NSUN6: variants seen among roughly 807,000 people sequenced by gnomAD.
The protein encoded by NSUN6 is tRNA (cytosine(72)-C(5))-methyltransferase NSUN6.
A neutral mutation model predicts 58.0 loss-of-function variants in NSUN6; 64 were observed. The observed-to-expected ratio is 1.10, with a 90% confidence interval of 0.90 to 1.36. The LOEUF (loss-of-function observed/expected upper bound fraction) is 1.36. NSUN6 is among the 40% of genes most tolerant of loss of function. The pLI, the probability that NSUN6 is intolerant of heterozygous loss-of-function variation, is 0.00. For missense variants in NSUN6, 701 were observed against 550.1 expected, an observed-to-expected ratio of 1.27 and a Z score of -2.74; for synonymous variants, 231 against 193.9, an observed-to-expected ratio of 1.19 and a Z score of -1.59.
chr10:18,657,199 C>T (rs1438655029), upstream of NSUN6, among the ~76,000 whole-genome samples: 1 of 152,104 alleles, frequency 6.6e-6, no homozygotes, highest in African/African-American at 2.4e-5. Context: ...AGATAATACA[C>T]AACTATATTC....
intron 9 of NSUN6, among the ~76,000 whole-genome samples, chr10:18,550,091 C>A (rs2054509637): frequency 6.6e-6 from 1 of 152,234 alleles, no homozygotes; most frequent in Non-Finnish European, 1.5e-5. Flanking sequence ...TATTCTAGTT[C>A]TCTCTGATAT....
At position 18,642,554 on chromosome 10, in the gene NSUN6, T is replaced by A. The variant is rs2059420668; in HGVS notation, c.233A>T (p.Gln78Leu). 1 of 1,433,196 alleles carries A rather than the reference T, an allele frequency of 7.0e-7. No individual in the cohort carries two copies. Among genetic ancestry groups the A allele is most frequent in the African/African-American group, 1.4e-5 (1 of 71,152 alleles). The allele number at this position is 1,433,196 out of a possible 1,614,324, so 88.8% of individuals were successfully genotyped here. A position where few individuals can be genotyped will look rare whatever the true frequency, so the allele number is the denominator to read the frequency against. The change falls in exon 3 of 11, where the codon CAG (glutamine) becomes CTG (leucine). Residue 78 changes from glutamine (Q) to leucine (L), a missense_variant and splice_region_variant. By Grantham distance (113) the Gln-to-Leu change is moderately radical. Transcript: ENST00000377304. Reference protein sequence around the residue: ...KNLLLDELQKQFNGLSVPILQ... With the variant: ...KNLLLDELQKLFNGLSVPILQ... ...AATAGGAACACTTAATCCATTAAAC[T>A]GCTGTTAAAGATAAACATGATTATA... is the stretch of plus-strand genomic sequence containing the variant.
intron 6 of NSUN6, among the ~76,000 whole-genome samples, chr10:18,608,436 G>T (rs1211215502): frequency 6.6e-6 from 1 of 152,082 alleles, no homozygotes; most frequent in Non-Finnish European, 1.5e-5. Context: ...AGGAATTCAA[G>T]ACCAGCCTGG....
chr10:18,626,062 T>C (rs1204803127), intron 3 of NSUN6, among the ~76,000 whole-genome samples: 2 of 151,896 alleles, frequency 1.3e-5, no homozygotes, highest in Non-Finnish European at 2.9e-5. Flanking sequence ...GAGTCACACT[T>C]TGGGAAAGGG....
upstream of NSUN6, chr10:18,652,744 G>C: frequency 5.0e-6 from 2 of 397,626 alleles, no homozygotes; most frequent in Non-Finnish European, 6.8e-6. Flanking sequence ...AATTTTAATA[G>C]AGACGGGGTT....
At position 18,580,992 on chromosome 10, in the gene NSUN6, A is replaced by G. The variant is rs117823144; in HGVS notation, c.922+4957T>C. Among the ~76,000 whole-genome samples, 1,189 of 152,338 alleles carry G rather than the reference A, an allele frequency of 7.8e-3. 10 individuals are homozygous for G. Among genetic ancestry groups the G allele is most frequent in the Middle Eastern group, 0.027 (8 of 294 alleles). ...GTAAAGTACACTTGGAAGAGGGCCA[A>G]CTGGGCGACTTGAGAGATCAAGTGC... On this transcript the variant is annotated intron_variant, in intron 8 of 10. Coordinates refer to ENST00000377304, the MANE Select transcript of NSUN6 (RefSeq NM_182543.5).
chr10:18,596,166 T>C (rs1347935683), intron 7 of NSUN6, 42 bp downstream of exon 7: 2 of 1,540,202 alleles, frequency 1.3e-6, no homozygotes, highest in Non-Finnish European at 9.0e-7. Flanking sequence ...TTGTGAAATA[T>C]ACACTACTTT....
chr10:18,562,167 G>A (rs900289371), intron 8 of NSUN6, among the ~76,000 whole-genome samples: 6 of 150,086 alleles, frequency 4.0e-5, no homozygotes, highest in African/African-American at 1.2e-4. Flanking sequence ...GGAATAGAAT[G>A]GAGAATGGAA....
upstream of NSUN6, chr10:18,651,840 G>T (rs2059715734): frequency 1.0e-6 from 1 of 985,466 alleles, no homozygotes; most frequent in Non-Finnish European, 1.2e-6. Flanking sequence ...GGTACCGGAG[G>T]GCTAGGTGCC....
chr10:18,613,099 A>AC (rs1554875760), intron 5 of NSUN6, among the ~76,000 whole-genome samples: 2 of 151,394 alleles, frequency 1.3e-5, no homozygotes, highest in Non-Finnish European at 2.9e-5. Flanking sequence ...TTAAAAACCA[A>AC]TTTTTTTTTC....
chr10:18,653,486 C>G (rs1173835790), upstream of NSUN6: 3 of 171,160 alleles, frequency 1.8e-5, no homozygotes. Context: ...ATTCTCCTGC[C>G]TCAGCCTCCC....
chr10:18,611,852 T>C (rs2058250844), intron 5 of NSUN6, among the ~76,000 whole-genome samples: 1 of 152,158 alleles, frequency 6.6e-6, no homozygotes, highest in African/African-American at 2.4e-5. Context: ...ATAACGGGTA[T>C]GAGCCACCAT....
At chr10:18,622,708 T>TGGG (rs2058655409) in intron 3 of NSUN6, among the ~76,000 whole-genome samples, 1 of 152,110 alleles carries the variant, frequency 6.6e-6, no homozygotes. Context: ...AGACTCCGCC[T>TGGG]TGGGGGGAAA....
chr10:18,605,137 G>A (rs1018999015), intron 6 of NSUN6, among the ~76,000 whole-genome samples: 4 of 150,748 alleles, frequency 2.7e-5, no homozygotes, highest in Admixed American at 6.6e-5. Context: ...CGCCCGTCTC[G>A]GCCTCCCAAA....
At chr10:18,598,357 C>G (rs2057677755) in intron 6 of NSUN6, among the ~76,000 whole-genome samples, 1 of 152,254 alleles carries the variant, frequency 6.6e-6, no homozygotes, top group Admixed American at 6.5e-5. Context: ...CACACAAAGC[C>G]TGTTTGGTGG....
Position 18,586,035 on chromosome 10 carries a change from G to A in NSUN6, c.836C>T (p.Ala279Val). Residue 279 changes from alanine to valine, a missense_variant, in exon 8 of 11, where the codon GCC (alanine) becomes GTC (valine). By Grantham distance (64) the Ala-to-Val change is moderately conservative. Transcript: ENST00000377304. ...GATGGAATTCAGCCCTAACAATAAG[G>A]CATTCTGTTTGATTTTTTCTACTTT... ...FNKVEKIKQNALLLGLNSIRA... is the reference protein window; with the variant it reads ...FNKVEKIKQNVLLLGLNSIRA... 9 of 1,609,546 alleles carry A rather than the reference G, an allele frequency of 5.6e-6. No individual in the cohort carries two copies. Among genetic ancestry groups the A allele is most frequent in the Non-Finnish European group, 7.6e-6 (9 of 1,178,016 alleles).
chr10:18,650,847 C>A (rs1450757759), intron 1 of NSUN6, among the ~76,000 whole-genome samples: 1 of 152,218 alleles, frequency 6.6e-6, no homozygotes, highest in Non-Finnish European at 1.5e-5. Flanking sequence ...AGACAGGGAC[C>A]TTTTCTTGTT....
chr10:18,570,567 A>G (rs1007082961), intron 8 of NSUN6, among the ~76,000 whole-genome samples: 1 of 143,898 alleles, frequency 6.9e-6, no homozygotes, highest in African/African-American at 2.5e-5. Flanking sequence ...TCTCCATTCC[A>G]ATCCAGTGTC....
chr10:18,583,938 A>G (rs1002737175), intron 8 of NSUN6, among the ~76,000 whole-genome samples: 2 of 152,168 alleles, frequency 1.3e-5, no homozygotes, highest in Non-Finnish European at 2.9e-5. Context: ...TCAGCCCTTC[A>G]GAAACGCAAA....
Sources: gnomAD v4.1 joint callset for allele counts (sites outside exome capture counted in the v4.1 genomes callset) on GRCh38, gnomAD v4.1.1 for gene constraint, MANE v1.5 for transcripts, NCBI Gene and HGNC (gene_info 2026-07-23, HGNC 2026-07-21) for gene names.